The following ARHGEF7 variants were observed in gnomAD, a reference collection of about 807,000 sequenced individuals.
ARHGEF7 encodes the protein Rho guanine nucleotide exchange factor 7.
A neutral mutation model predicts 109.8 loss-of-function variants in ARHGEF7; 33 were observed. That is an observed-to-expected ratio of 0.30 (90% CI 0.23 to 0.40). ARHGEF7 has a LOEUF of 0.40. ARHGEF7 is among the 10% of genes least tolerant of loss of function. The pLI is 1.00. For synonymous variants in ARHGEF7, 458 were observed against 424.6 expected, an observed-to-expected ratio of 1.08 and a Z score of -0.97; for missense variants, 938 against 1,098.5, an observed-to-expected ratio of 0.85 and a Z score of 2.07.
At chr13:111,222,663 A>G (rs1309887748) in intron 5 of ARHGEF7, among the ~76,000 whole-genome samples, 1 of 152,202 alleles carries the variant, frequency 6.6e-6, no homozygotes, top group Non-Finnish European at 1.5e-5. Flanking sequence ...TTCTGACCTC[A>G]AGTGATCCAC....
intron 18 of ARHGEF7, 31 bp downstream of exon 18, chr13:111,288,474 G>C: frequency 6.4e-7 from 1 of 1,554,564 alleles, no homozygotes. Context: ...TGGGAAGTGT[G>C]GTGGTTTATT....
chr13:111,241,165 T>C, intron 6 of ARHGEF7: 1 of 1,535,458 alleles, frequency 6.5e-7, no homozygotes, highest in Non-Finnish European at 8.7e-7. Context: ...CTCAGCTCTG[T>C]GGGCCTTTCT....
At chr13:111,236,474 CT>C (rs2086848569) in intron 6 of ARHGEF7, among the ~76,000 whole-genome samples, 1 of 152,188 alleles carries the variant, frequency 6.6e-6, no homozygotes, top group African/African-American at 2.4e-5. Flanking sequence ...TCCACCTCCC[CT>C]GGGTTATACT....
At chr13:111,253,548 G>A in intron 8 of ARHGEF7, among the ~76,000 whole-genome samples, 1 of 152,126 alleles carries the variant, frequency 6.6e-6, no homozygotes, top group Non-Finnish European at 1.5e-5. Context: ...CCGTCTCTTT[G>A]TTTAGATGCC....
intron 5 of ARHGEF7, among the ~76,000 whole-genome samples, chr13:111,224,347 A>G (rs1311971437): frequency 6.6e-6 from 1 of 152,238 alleles, no homozygotes; most frequent in East Asian, 1.9e-4. Flanking sequence ...ACTCAGCTGC[A>G]TGTGGCACAC....
At chr13:111,281,927 T>G (rs1305429860) in intron 15 of ARHGEF7, among the ~76,000 whole-genome samples, 1 of 152,258 alleles carries the variant, frequency 6.6e-6, no homozygotes, top group Non-Finnish European at 1.5e-5. Context: ...CCAGCTGAAA[T>G]CATTTTCTAA....
chr13:111,191,252 GTGT>G (rs1481299962), intron 2 of ARHGEF7, among the ~76,000 whole-genome samples: 1 of 152,116 alleles, frequency 6.6e-6, no homozygotes, highest in African/African-American at 2.4e-5. Context: ...AAGTTGTGAG[GTGT>G]AATTACACTG....
rs200394544 is a variant in ARHGEF7 at position 111,125,703 on chromosome 13, C to A, written c.165+10012C>A. 5.3e-5 allele frequency among the ~76,000 whole-genome samples: 8 copies of A among 152,154 alleles called. No individual in the cohort carries two copies. In the East Asian group the frequency reaches 1.5e-3, roughly 29 times the overall value. The stretch of plus-strand genomic sequence containing the variant: ...AGTGTCTCACTACTAATTTCCTGTG[C>A]CAGAATACTTTTTCACCAATGTCCT... On this transcript the variant is annotated intron_variant, in intron 1 of 21. Transcript: ENST00000646102.
intron 5 of ARHGEF7, among the ~76,000 whole-genome samples, chr13:111,230,301 A>ATGC (rs901590663): frequency 7.5e-4 from 114 of 152,336 alleles, no homozygotes; most frequent in Admixed American, 7.3e-3. Context: ...GGGCCAAAAA[A>ATGC]TGCTGCTTTT....
intron 1 of ARHGEF7, among the ~76,000 whole-genome samples, chr13:111,150,410 G>A (rs1489249501): frequency 6.6e-6 from 1 of 152,062 alleles, no homozygotes; most frequent in Non-Finnish European, 1.5e-5. Flanking sequence ...TTTGTTTGTG[G>A]GTTCTACTGC....
chr13:111,240,299 A>G (rs9522170), intron 6 of ARHGEF7, among the ~76,000 whole-genome samples: 15,273 of 152,312 alleles, frequency 0.1, 976 homozygotes, highest in Non-Finnish European at 0.15. Flanking sequence ...TGAATCTCCA[A>G]ATTTAAAAGT....
At position 111,247,897 on chromosome 13, in the gene ARHGEF7, C is replaced by T. The variant is rs564764138; in HGVS notation, c.950+3603C>T. 2.6e-5 allele frequency among the ~76,000 whole-genome samples: 4 copies of T among 152,300 alleles called. No individual in the cohort carries two copies. In the South Asian group the frequency reaches 8.3e-4, roughly 32 times the overall value. On this transcript the variant is annotated intron_variant, in intron 8 of 21. Transcript: ENST00000646102. ...TTGGCTGACCCCCAGGTGAGATGTG[C>T]TTTCTTCCTTGGGGCCTCGACCTGG...
intron 12 of ARHGEF7, among the ~76,000 whole-genome samples, chr13:111,277,142 C>T (rs904355432): frequency 6.6e-6 from 1 of 152,152 alleles, no homozygotes; most frequent in Non-Finnish European, 1.5e-5. Context: ...TCCACCTGTT[C>T]CCCCTGACCC....
rs150287226 is a variant in ARHGEF7, at chr13:111,166,189, C to T, written c.252+12198C>T. ...TTCTCCAGACTGTTTTTTTCTGAAA[C>T]GCAAGGCTGATTTTGGTCATTTTCC... On this transcript the variant is annotated intron_variant, in intron 2 of 21. Coordinates refer to ENST00000646102, the MANE Select transcript of ARHGEF7 (RefSeq NM_001354046.2). 2.0e-3 allele frequency among the ~76,000 whole-genome samples: 310 copies of T among 152,248 alleles called. 3 individuals are homozygous for T. In the East Asian group the frequency reaches 0.027, roughly 13 times the overall value.
At chr13:111,275,205 C>G (rs948651957) in intron 11 of ARHGEF7, among the ~76,000 whole-genome samples, 4 of 152,186 alleles carry the variant, frequency 2.6e-5, no homozygotes, top group African/African-American at 9.7e-5. Context: ...TCCATATTGG[C>G]AAACACGAAC....
intron 9 of ARHGEF7, among the ~76,000 whole-genome samples, chr13:111,271,433 A>G (rs970276304): frequency 3.3e-5 from 5 of 152,234 alleles, no homozygotes; most frequent in African/African-American, 1.2e-4. Flanking sequence ...TCATGGGCTC[A>G]TGTCAATGCA....
At chr13:111,245,501 G>A (rs114905680) in intron 8 of ARHGEF7, among the ~76,000 whole-genome samples, 3,149 of 152,242 alleles carry the variant, frequency 0.021, 116 homozygotes, top group African/African-American at 0.072. Context: ...TGCTTCAAAT[G>A]CCGATCAACT....
chr13:111,186,988 C>T (rs896634341), intron 2 of ARHGEF7: 11 of 985,600 alleles, frequency 1.1e-5, no homozygotes, highest in African/African-American at 1.7e-5. Flanking sequence ...CTTTTGCTCT[C>T]GTGTCAGTAC....
intron 1 of ARHGEF7, among the ~76,000 whole-genome samples, chr13:111,130,683 G>C (rs1041147747): frequency 1.3e-5 from 2 of 152,226 alleles, no homozygotes; most frequent in Non-Finnish European, 2.9e-5. Context: ...AGAATTACAC[G>C]AACTGATTGT....
Sources: allele counts gnomAD v4.1 joint callset (sites outside exome capture counted in the v4.1 genomes callset), GRCh38; gene constraint gnomAD v4.1.1; transcripts MANE v1.5; gene names NCBI Gene and HGNC (gene_info 2026-07-23, HGNC 2026-07-21).